The following ABHD12 variants were observed in gnomAD, a reference collection of about 807,000 sequenced individuals.
ABHD12 encodes lysophosphatidylserine lipase ABHD12.
Under a neutral mutation model 58.3 loss-of-function variants are expected in ABHD12, and 43 were observed. The observed-to-expected ratio is 0.74, with a 90% CI of 0.58 to 0.95. The LOEUF (loss-of-function observed/expected upper bound fraction) is 0.95, where lower values mean the gene tolerates loss of function less well. ABHD12 is among the 40% of genes least tolerant of loss of function. ABHD12 has a pLI of 0.00. For synonymous variants in ABHD12, 219 were observed against 211.2 expected (o/e 1.04, Z -0.32); for missense variants, 539 against 537.2 (o/e 1.00, Z -0.03).
chr20:25,349,856 A>G (rs140909460), intron 1 of ABHD12, among the ~76,000 whole-genome samples: 6 of 152,358 alleles, frequency 3.9e-5, no homozygotes, highest in East Asian at 3.9e-4. Context: ...AAAGTATTTA[A>G]TGCCACTAAA....
chr20:25,351,279 C>T (rs998395150), intron 1 of ABHD12, among the ~76,000 whole-genome samples: 1 of 152,220 alleles, frequency 6.6e-6, no homozygotes, highest in Admixed American at 6.5e-5. Context: ...CTCCAAGGCA[C>T]TTAACTCAAT....
intron 1 of ABHD12, among the ~76,000 whole-genome samples, chr20:25,382,010 T>C (rs2090028286): frequency 6.6e-6 from 1 of 152,176 alleles, no homozygotes; most frequent in Non-Finnish European, 1.5e-5. Flanking sequence ...ATCTAGAAGA[T>C]GTCACTGACC....
downstream of ABHD12, among the ~76,000 whole-genome samples, chr20:25,299,729 AGATCC>A (rs2088603289): frequency 1.3e-5 from 2 of 152,168 alleles, no homozygotes; most frequent in Non-Finnish European, 2.9e-5. Context: ...CCATGCAAGG[AGATCC>A]CAACCCTGGG....
At chr20:25,303,150 G>C in intron 11 of ABHD12, 1 of 975,888 alleles carries the variant, frequency 1.0e-6, no homozygotes, top group Non-Finnish European at 1.3e-6. Context: ...CAATGGGCTT[G>C]GGAGATCCTC....
intron 1 of ABHD12, chr20:25,368,275 T>A (rs137904876): frequency 3.3e-6 from 5 of 1,531,134 alleles, no homozygotes; most frequent in Non-Finnish European, 4.5e-6. Flanking sequence ...GTCAAACTTA[T>A]TAGAGTTGTT....
chr20:25,375,155 C>A (rs1219567435), intron 1 of ABHD12, among the ~76,000 whole-genome samples: 1 of 152,178 alleles, frequency 6.6e-6, no homozygotes, highest in African/African-American at 2.4e-5. Context: ...CATCTACAGG[C>A]AAAGCAGAGG....
chr20:25,353,595 T>TTTAGAGCA (rs1568754054), intron 1 of ABHD12, among the ~76,000 whole-genome samples: 79 of 152,278 alleles, frequency 5.2e-4, no homozygotes, highest in African/African-American at 1.6e-3. Context: ...GGGCTGCTGC[T>TTTAGAGCA]GGGTTCACTT....
chr20:25,299,489 A>T (rs2088599952), downstream of ABHD12, among the ~76,000 whole-genome samples: 1 of 151,100 alleles, frequency 6.6e-6, no homozygotes, highest in African/African-American at 2.5e-5. Flanking sequence ...TAGCTTACAT[A>T]GACCAAAAAA....
In ABHD12 at chr20:25,335,967, TA is replaced by T. The variant is rs143896972; in HGVS notation, c.316+3259del. ...GAATTTAAAGTATAATAATAATAAA[TA>T]AAAAAAAAACAAAAAACAAATGCAT... On this transcript the variant is annotated intron_variant, in intron 2 of 12. Transcript: ENST00000339157. Among the ~76,000 whole-genome samples the T allele has an allele frequency of 5.1e-4, 75 of 145,696 alleles. 1 individual carries two copies. The East Asian group carries it at 5.4e-3, about 10-fold the overall frequency.
rs2090164254 is a variant in ABHD12, at chr20:25,390,676, A to C, written c.28T>G (p.Leu10Val). ...GCGGCGGCGCAGCGCTCATGCTCCA[A>C]GGCGACGGGCTCGGTCCGCTTCCTC... is the stretch of plus-strand genomic sequence containing the variant. MRKRTEPVA[L>V]EHERCAAAGS... Residue 10 changes from leucine (L) to valine (V), a missense_variant, in exon 1 of 13, where the codon TTG becomes GTG. By Grantham distance (32) the Leu-to-Val change is conservative. Coordinates refer to ENST00000339157, the MANE Select transcript of ABHD12 (RefSeq NM_001042472.3). 2.8e-6 allele frequency: 4 copies of C among 1,430,280 alleles called. No individual in the cohort carries two copies. Among genetic ancestry groups the C allele is most frequent in the Non-Finnish European group, 3.7e-6 (4 of 1,094,154 alleles). The allele number at this position is 1,430,280 out of a possible 1,614,324, so 88.6% of individuals were successfully genotyped here.
chr20:25,306,761 T>C (rs2088749929), intron 10 of ABHD12, 72 bp downstream of exon 10: 1 of 1,053,324 alleles, frequency 9.5e-7, no homozygotes, highest in South Asian at 1.3e-5. Flanking sequence ...TTACTGTGAC[T>C]AAAGAGGCTC....
chr20:25,344,218 A>G (rs2089490177), intron 1 of ABHD12, among the ~76,000 whole-genome samples: 1 of 152,238 alleles, frequency 6.6e-6, no homozygotes, highest in Admixed American at 6.5e-5. Context: ...AGATTACACA[A>G]TAAGATAAGA....
chr20:25,361,094 C>T (rs1205062414), intron 1 of ABHD12, among the ~76,000 whole-genome samples: 1 of 152,232 alleles, frequency 6.6e-6, no homozygotes, highest in East Asian at 1.9e-4. Flanking sequence ...GGGCCCACCG[C>T]CCCTGCAATC....
At chr20:25,302,733 C>T (rs964159510) in intron 11 of ABHD12, among the ~76,000 whole-genome samples, 1 of 152,180 alleles carries the variant, frequency 6.6e-6, no homozygotes, top group Non-Finnish European at 1.5e-5. Flanking sequence ...CATCTCAGCC[C>T]CCTCCCCCTC....
At chr20:25,368,130 G>C in intron 1 of ABHD12, 1 of 705,628 alleles carries the variant, frequency 1.4e-6, no homozygotes, top group Non-Finnish European at 2.4e-6. Flanking sequence ...GCACGGAAGG[G>C]AACAAGGAAA....
intron 1 of ABHD12, among the ~76,000 whole-genome samples, chr20:25,388,654 C>G (rs1202548772): frequency 1.3e-5 from 2 of 152,140 alleles, no homozygotes; most frequent in Admixed American, 1.3e-4. Flanking sequence ...GATATGGACA[C>G]CACTGGAATG....
intron 2 of ABHD12, among the ~76,000 whole-genome samples, chr20:25,330,301 T>G (rs1017881376): frequency 6.6e-6 from 1 of 152,250 alleles, no homozygotes; most frequent in African/African-American, 2.4e-5. Flanking sequence ...CGCACATGGC[T>G]CGGAGGGTCC....
intron 1 of ABHD12, chr20:25,339,567 G>C: frequency 6.8e-7 from 1 of 1,461,642 alleles, no homozygotes; most frequent in South Asian, 1.2e-5. Flanking sequence ...CTGGGGGTAA[G>C]AGGAACTTTT....
intron 1 of ABHD12, among the ~76,000 whole-genome samples, chr20:25,376,786 C>T (rs1017110966): frequency 6.6e-6 from 1 of 152,110 alleles, no homozygotes; most frequent in Non-Finnish European, 1.5e-5. Context: ...GCTAGGTCAA[C>T]GAAAAAGACA....
Sources: allele counts gnomAD v4.1 joint callset (sites outside exome capture counted in the v4.1 genomes callset), GRCh38; gene constraint gnomAD v4.1.1; transcripts MANE v1.5; gene names NCBI Gene and HGNC (gene_info 2026-07-23, HGNC 2026-07-21).